RASSF3: variants seen among roughly 807,000 people sequenced by gnomAD.
RASSF3 encodes Ras association domain family member 3.
A neutral mutation model predicts 19.9 loss-of-function variants in RASSF3; 19 were observed. The ratio of observed to expected loss-of-function variants is 0.96; its 90% CI spans 0.67 to 1.40. The LOEUF (loss-of-function observed/expected upper bound fraction) is 1.40. RASSF3 is among the 40% of genes most tolerant of loss of function. The pLI is 0.00. For synonymous variants in RASSF3, 110 were observed against 104.2 expected (o/e 1.06, Z -0.34); for missense variants, 306 against 289.8 (o/e 1.06, Z -0.41).
intron 3 of RASSF3, among the ~76,000 whole-genome samples, chr12:64,689,934 G>A (rs898027280): frequency 2.7e-5 from 4 of 149,404 alleles, no homozygotes; most frequent in East Asian, 2.1e-4. Flanking sequence ...ACTTACAGGC[G>A]CCCGCCACCA....
rs1420144202 is a variant in RASSF3, at chr12:64,602,640, C to A, written c.294+60935C>A. On this transcript the variant is annotated intron_variant, in intron 2 of 5. Coordinates refer to the RASSF3 transcript ENST00000637125. ...AGTCAGCTCGGAGCAGTGGCACACA[C>A]AATCTGTAGTCCCAGCTATACACCA... Among the ~76,000 whole-genome samples, 4 of 151,414 alleles carry A rather than the reference C, an allele frequency of 2.6e-5. No individual in the cohort carries two copies. In the East Asian group the frequency reaches 5.8e-4, roughly 22 times the overall value.
chr12:64,621,305 T>A (rs1452813122), intron 1 of RASSF3, among the ~76,000 whole-genome samples: 1 of 152,216 alleles, frequency 6.6e-6, no homozygotes, highest in Non-Finnish European at 1.5e-5. Flanking sequence ...TGTGTGAGAA[T>A]TGTCCATGCA....
In RASSF3 at chr12:64,610,558, GCTGGCGGGCGCCGCACCCCCTCC is replaced by G; in HGVS notation, c.-69_-47del. ...GGCTGCGCGCCGGGAACCTCGCGGG[GCTGGCGGGCGCCGCACCCCCTCC>G]CTGGCCGCCTGCGCCCCGGGGAGGC... On this transcript the variant is annotated 5_prime_UTR_variant, in exon 1 of 5. Coordinates refer to ENST00000542104, the MANE Select transcript of RASSF3 (RefSeq NM_178169.4). 1 of 693,904 alleles carries G rather than the reference GCTGGCGGGCGCCGCACCCCCTCC, an allele frequency of 1.4e-6. No homozygotes were observed. The highest frequency in any genetic ancestry group is 4.8e-5 in the South Asian group (1 of 20,992). 43.0% of individuals were successfully genotyped at this position (693,904 alleles called of 1,614,324 possible). A position where few individuals can be genotyped will look rare whatever the true frequency, so the allele number is the denominator to read the frequency against.
chr12:64,524,920 C>T (rs1210380636), intron 1 of RASSF3, among the ~76,000 whole-genome samples: 2 of 152,112 alleles, frequency 1.3e-5, no homozygotes, highest in African/African-American at 2.4e-5. Flanking sequence ...GGCATCAGGT[C>T]TTAGAGTTGT....
intron 1 of RASSF3, among the ~76,000 whole-genome samples, chr12:64,659,171 C>T (rs1872257989): frequency 6.6e-6 from 1 of 152,166 alleles, no homozygotes; most frequent in Non-Finnish European, 1.5e-5. Context: ...TGTTTTTAGA[C>T]AGATCATTCT....
At chr12:64,540,186 A>G (rs1868912446) in intron 1 of RASSF3, among the ~76,000 whole-genome samples, 1 of 152,224 alleles carries the variant, frequency 6.6e-6, no homozygotes, top group African/African-American at 2.4e-5. Flanking sequence ...TTTACAACTG[A>G]AGCCAATTGG....
chr12:64,688,421 C>T lies in RASSF3; in HGVS notation c.425C>T (p.Ala142Val). ...GTGACTGAGAGCCCTGCCAAGTTTG[C>T]ACTTTATAAGCGTTGTCACAGGGAA... Reference protein sequence around the residue: ...FLVTESPAKFALYKRCHREDQ... With the variant: ...FLVTESPAKFVLYKRCHREDQ... Residue 142 changes from alanine to valine, a missense_variant, in exon 3 of 5, where the codon GCA becomes GTA. Ala to Val is a moderately conservative substitution (Grantham distance 64). Coordinates refer to ENST00000542104, the MANE Select transcript of RASSF3 (RefSeq NM_178169.4). The T allele has an allele frequency of 6.2e-7, 1 of 1,614,092 alleles. No homozygotes were observed. Among genetic ancestry groups the T allele is most frequent in the South Asian group, 1.1e-5 (1 of 91,084 alleles).
chr12:64,553,000 G>T (rs1869191985), intron 2 of RASSF3, among the ~76,000 whole-genome samples: 1 of 152,068 alleles, frequency 6.6e-6, no homozygotes, highest in South Asian at 2.1e-4. Flanking sequence ...CACGAGGTCA[G>T]GAGATCGAGA....
At chr12:64,588,491 A>G (rs1813946260) in intron 2 of RASSF3, among the ~76,000 whole-genome samples, 2 of 152,120 alleles carry the variant, frequency 1.3e-5, no homozygotes, top group African/African-American at 4.8e-5. Context: ...CCTGGGGAAT[A>G]TAGCAAGACT....
chr12:64,531,286 T>G (rs1592390978), upstream of RASSF3, among the ~76,000 whole-genome samples: 1 of 152,224 alleles, frequency 6.6e-6, no homozygotes, highest in Non-Finnish European at 1.5e-5. Context: ...TATCTAATTG[T>G]CCCAGCACCA....
At chr12:64,677,861 G>T (rs1872964628) in intron 1 of RASSF3, among the ~76,000 whole-genome samples, 1 of 152,144 alleles carries the variant, frequency 6.6e-6, no homozygotes, top group African/African-American at 2.4e-5. Flanking sequence ...ATCTAGTTTA[G>T]GAGCATCTAA....
chr12:64,516,567 C>G (rs1409568219), intron 1 of RASSF3, among the ~76,000 whole-genome samples: 1 of 145,694 alleles, frequency 6.9e-6, no homozygotes, highest in Non-Finnish European at 1.5e-5. Flanking sequence ...TGCAGTGAGC[C>G]GAGATCCCGC....
intron 1 of RASSF3, among the ~76,000 whole-genome samples, chr12:64,660,886 C>G (rs987362897): frequency 6.6e-6 from 1 of 152,116 alleles, no homozygotes; most frequent in Admixed American, 6.5e-5. Flanking sequence ...TCACATGGCC[C>G]TCTCTCCCCA....
At chr12:64,570,264 G>T (rs1186928895) in intron 2 of RASSF3, among the ~76,000 whole-genome samples, 1 of 152,154 alleles carries the variant, frequency 6.6e-6, no homozygotes, top group South Asian at 2.1e-4. Context: ...AAAATGGGCC[G>T]ATGCTGATTA....
At chr12:64,584,113 G>A (rs1474511458) in intron 2 of RASSF3, among the ~76,000 whole-genome samples, 2 of 152,122 alleles carry the variant, frequency 1.3e-5, no homozygotes, top group Non-Finnish European at 2.9e-5. Context: ...TCTCTCAGGC[G>A]TTTCCTTCCT....
chr12:64,648,586 G>A (rs1465644841), intron 1 of RASSF3, among the ~76,000 whole-genome samples: 2 of 151,322 alleles, frequency 1.3e-5, no homozygotes, highest in African/African-American at 4.9e-5. Flanking sequence ...GGATTCAAGC[G>A]ATTATCCTGC....
chr12:64,519,790 G>A (rs965386858), intron 1 of RASSF3, among the ~76,000 whole-genome samples: 3 of 151,804 alleles, frequency 2.0e-5, no homozygotes, highest in East Asian at 1.9e-4. Context: ...ATATAAACAC[G>A]TATATATGTG....
At chr12:64,534,216 G>A (rs906790354) in intron 1 of RASSF3, among the ~76,000 whole-genome samples, 2 of 152,108 alleles carry the variant, frequency 1.3e-5, no homozygotes, top group Non-Finnish European at 2.9e-5. Context: ...AGCTATCATT[G>A]CACCACTGCA....
intron 1 of RASSF3, among the ~76,000 whole-genome samples, chr12:64,615,783 C>T (rs1392394789): frequency 6.6e-6 from 1 of 151,682 alleles, no homozygotes; most frequent in Non-Finnish European, 1.5e-5. Context: ...AAATGATTCT[C>T]CTGCCTCAGC....
Sources: allele counts gnomAD v4.1 joint callset (sites outside exome capture counted in the v4.1 genomes callset), GRCh38; gene constraint gnomAD v4.1.1; transcripts MANE v1.5; gene names NCBI Gene and HGNC (gene_info 2026-07-23, HGNC 2026-07-21).